Variants in UNC13C observed in about 807,000 individuals in gnomAD.
UNC13C encodes the protein protein unc-13 homolog C.
In UNC13C, 174 loss-of-function variants were observed where a neutral mutation model predicts 245.4. That is an observed-to-expected ratio of 0.71 (90% CI 0.63 to 0.80). UNC13C has a LOEUF of 0.80. Ranked by LOEUF, UNC13C falls within the 30% of genes least tolerant of loss-of-function variation. UNC13C has a pLI of 0.00. For synonymous variants in UNC13C, 992 were observed against 895.1 expected (o/e 1.11, Z -1.93); for missense variants, 2,829 against 2,602.9 (o/e 1.09, Z -1.89).
At chr15:53,981,548 G>C (rs186487401) in intron 1 of UNC13C, among the ~76,000 whole-genome samples, 150 of 152,140 alleles carry the variant, frequency 9.9e-4, no homozygotes, top group African/African-American at 3.4e-3. Context: ...TTGTATTTCT[G>C]TTGTTATTAC....
At chr15:54,083,095 G>C (rs12909156) in intron 2 of UNC13C, among the ~76,000 whole-genome samples, 71,193 of 152,000 alleles carry the variant, frequency 0.47, 18,663 homozygotes, top group Non-Finnish European at 0.6. Flanking sequence ...AGCTCAGGGG[G>C]AAGTGCCCAC....
At chr15:54,299,370 G>C (rs1404858004) in intron 12 of UNC13C, among the ~76,000 whole-genome samples, 1 of 152,088 alleles carries the variant, frequency 6.6e-6, no homozygotes, top group East Asian at 1.9e-4. Context: ...TCGATTCATT[G>C]CCCTGACTCT....
intron 19 of UNC13C, among the ~76,000 whole-genome samples, chr15:54,429,606 T>C (rs1297572972): frequency 6.6e-6 from 1 of 151,720 alleles, no homozygotes; most frequent in Non-Finnish European, 1.5e-5. Flanking sequence ...TAAATAGGTA[T>C]TGATATTTGT....
intron 4 of UNC13C, among the ~76,000 whole-genome samples, chr15:54,170,133 ACT>A (rs2033340119): frequency 1.3e-5 from 2 of 151,684 alleles, no homozygotes; most frequent in Non-Finnish European, 2.9e-5. Flanking sequence ...ATAAGACCTT[ACT>A]CTCACATATT....
chr15:54,374,077 C>T (rs1395869875), intron 17 of UNC13C, among the ~76,000 whole-genome samples: 1 of 152,186 alleles, frequency 6.6e-6, no homozygotes, highest in Non-Finnish European at 1.5e-5. Flanking sequence ...TGGGCAGCTC[C>T]TCTCTGCAGA....
At chr15:54,223,424 G>A (rs962879843) in intron 4 of UNC13C, among the ~76,000 whole-genome samples, 8 of 151,952 alleles carry the variant, frequency 5.3e-5, no homozygotes, top group African/African-American at 1.9e-4. Context: ...TTGTTTCTGG[G>A]TTCTCTATTC....
intron 24 of UNC13C, among the ~76,000 whole-genome samples, chr15:54,520,407 T>A (rs1339966835): frequency 6.6e-6 from 1 of 152,128 alleles, no homozygotes; most frequent in Admixed American, 6.5e-5. Context: ...AGCTGAAGCA[T>A]GTATGAGCCA....
At chr15:54,106,697 C>T (rs1900465166) in intron 2 of UNC13C, among the ~76,000 whole-genome samples, 1 of 152,186 alleles carries the variant, frequency 6.6e-6, no homozygotes, top group Non-Finnish European at 1.5e-5. Flanking sequence ...TTCTATCCTT[C>T]CATCCCTCAT....
Position 54,588,580 on chromosome 15 carries a change from G to A in UNC13C, c.6106+20633G>A, listed in dbSNP as rs532285839. Reference sequence around the variant, plus strand: ...GTAAATTCTTTAGTGATTTGTGAGTGTATACTCACCCAAGGAGTATACACT... The same window carrying A: ...GTAAATTCTTTAGTGATTTGTGAGTATATACTCACCCAAGGAGTATACACT... On this transcript the variant is annotated intron_variant, in intron 30 of 32. Coordinates refer to ENST00000260323, the MANE Select transcript of UNC13C (RefSeq NM_001080534.3). Among the ~76,000 whole-genome samples, 3 of 152,168 alleles carry A rather than the reference G, an allele frequency of 2.0e-5. No individual in the cohort carries two copies. The East Asian group carries it at 5.8e-4, about 29-fold the overall frequency.
intron 19 of UNC13C, among the ~76,000 whole-genome samples, chr15:54,420,688 T>A (rs2040622727): frequency 6.7e-6 from 1 of 150,256 alleles, no homozygotes; most frequent in Admixed American, 6.6e-5. Flanking sequence ...GATAAAACCA[T>A]TTTTTTTCCC....
rs983097624 is a variant in UNC13C, at chr15:54,441,716, T to C, written c.4933+26649T>C. Among the ~76,000 whole-genome samples, 9 of 152,154 alleles carry C rather than the reference T, an allele frequency of 5.9e-5. No individual in the cohort carries two copies. In the East Asian group the frequency reaches 1.7e-3, roughly 29 times the overall value. Reference sequence around the variant, plus strand: ...AGGAATTTTAGGATTTTTTTTTTCATTTATTTGAAAAACTACGTTGGTATT... The same window carrying C: ...AGGAATTTTAGGATTTTTTTTTTCACTTATTTGAAAAACTACGTTGGTATT... On this transcript the variant is annotated intron_variant, in intron 19 of 32. Transcript: ENST00000260323.
At position 54,014,505 on chromosome 15, in the gene UNC13C, C is replaced by T. The variant is rs1460795027; in HGVS notation, c.1602C>T (p.Leu534=). 1 of 1,613,842 alleles carries T rather than the reference C, an allele frequency of 6.2e-7. No homozygotes were observed. Among genetic ancestry groups the T allele is most frequent in the South Asian group, 1.1e-5 (1 of 91,078 alleles). ...CCCATTATGCAGATGCAACACCTCTCTGGCACTCACAGAGTGATTTTTTCA... is the reference window on the plus strand; with the variant it reads ...CCCATTATGCAGATGCAACACCTCTTTGGCACTCACAGAGTGATTTTTTCA... ...TTTHYADATP[L]WHSQSDFFTA... Residue 534 remains leucine, a synonymous_variant, in exon 2 of 33, where the codon CTC becomes CTT. Coordinates refer to ENST00000260323, the MANE Select transcript of UNC13C (RefSeq NM_001080534.3).
intron 19 of UNC13C, among the ~76,000 whole-genome samples, chr15:54,468,759 A>G (rs1026540863): frequency 2.2e-4 from 34 of 151,576 alleles, no homozygotes; most frequent in African/African-American, 8.2e-4. Flanking sequence ...TTGACTATAA[A>G]TATGTGGATT....
the UNC13C span, among the ~76,000 whole-genome samples, chr15:53,882,989 C>A: frequency 6.6e-6 from 1 of 151,938 alleles, no homozygotes; most frequent in Non-Finnish European, 1.5e-5. Flanking sequence ...GTACAACCAC[C>A]CGTATGACAC....
rs576736668 is a variant in UNC13C at position 54,450,281 on chromosome 15, A to G, written c.4933+35214A>G. Among the ~76,000 whole-genome samples the G allele has an allele frequency of 8.5e-4, 130 of 152,316 alleles. 2 individuals carry two copies. Among genetic ancestry groups the G allele is most frequent in the African/African-American group, 3.0e-3 (124 of 41,580 alleles). The stretch of plus-strand genomic sequence containing the variant: ...TCTCAAACACTGTGCTGGGAGAACC[A>G]CTACTCTCTTCAAAGCTGTCACACA... On this transcript the variant is annotated intron_variant, in intron 19 of 32. Transcript: ENST00000260323.
the UNC13C span, among the ~76,000 whole-genome samples, chr15:53,938,603 TAAG>T: frequency 1.3e-5 from 2 of 152,156 alleles, no homozygotes; most frequent in East Asian, 1.9e-4. Context: ...GGTCACATAA[TAAG>T]AAGTAAAACA....
chr15:53,977,332 TTGCC>T (rs1015252575), upstream of UNC13C, among the ~76,000 whole-genome samples: 1 of 152,222 alleles, frequency 6.6e-6, no homozygotes, highest in African/African-American at 2.4e-5. Flanking sequence ...GCCACAAGTT[TTGCC>T]ACAAAATGCT....
intron 4 of UNC13C, among the ~76,000 whole-genome samples, chr15:54,206,465 C>T (rs1261777591): frequency 3.3e-5 from 5 of 151,964 alleles, no homozygotes; most frequent in African/African-American, 9.7e-5. Flanking sequence ...GGTTGACAAC[C>T]GGAATATTAA....
intron 6 of UNC13C, among the ~76,000 whole-genome samples, chr15:54,236,890 G>A (rs1273557255): frequency 6.6e-6 from 1 of 152,112 alleles, no homozygotes; most frequent in Non-Finnish European, 1.5e-5. Flanking sequence ...CTCCTAATGG[G>A]ATAACAGTTT....
Sources: gnomAD v4.1 joint callset for allele counts (sites outside exome capture counted in the v4.1 genomes callset) on GRCh38, gnomAD v4.1.1 for gene constraint, MANE v1.5 for transcripts, NCBI Gene and HGNC (gene_info 2026-07-23, HGNC 2026-07-21) for gene names.